The following ATRX variants were observed in gnomAD, a reference collection of about 807,000 sequenced individuals.
ATRX encodes chromatin remodeler ATRX.
In ATRX, 12 loss-of-function variants were observed where a neutral mutation model predicts 172.6. The ratio of observed to expected loss-of-function variants is 0.07; its 90% CI spans 0.04 to 0.11. The LOEUF (loss-of-function observed/expected upper bound fraction) is 0.11, where lower values mean the gene tolerates loss of function less well. ATRX is among the 10% of genes least tolerant of loss of function. The pLI, the probability that ATRX is intolerant of heterozygous loss-of-function variation, is 1.00. For missense variants in ATRX, 1,368 were observed against 1,767.4 expected, an observed-to-expected ratio of 0.77 and a Z score of 4.05; for synonymous variants, 674 against 594.7, an observed-to-expected ratio of 1.13 and a Z score of -1.94.
chrX:77,732,233 G>A (rs923747956), intron 1 of ATRX, among the ~76,000 whole-genome samples: 1 of 111,408 alleles, frequency 9.0e-6, no homozygotes, highest in Non-Finnish European at 1.9e-5. Flanking sequence ...TTGCTGCTGT[G>A]TCAGTGCCCC....
At chrX:77,609,849 G>A (rs2067078523) in intron 22 of ATRX, among the ~76,000 whole-genome samples, 1 of 111,849 alleles carries the variant, frequency 8.9e-6, no homozygotes, top group Admixed American at 9.5e-5. Context: ...GGCTGCGAAG[G>A]GTAGTAGGGC....
At chrX:77,518,756 C>T (rs1557040109) in intron 34 of ATRX, among the ~76,000 whole-genome samples, 1 of 111,305 alleles carries the variant, frequency 9.0e-6, no homozygotes, top group African/African-American at 3.2e-5. Context: ...TCAAATGATA[C>T]TACAGAGCTA....
chrX:77,637,496 T>C (rs2068440627), intron 15 of ATRX, among the ~76,000 whole-genome samples: 1 of 110,970 alleles, frequency 9.0e-6, no homozygotes, highest in Non-Finnish European at 1.9e-5. Flanking sequence ...GACTATTGAG[T>C]ATCATGACAC....
At chrX:77,533,784 GA>G (rs1298882877) in intron 30 of ATRX, among the ~76,000 whole-genome samples, 2 of 110,866 alleles carry the variant, frequency 1.8e-5, no homozygotes, top group East Asian at 2.8e-4. Flanking sequence ...AAAGTTGAAA[GA>G]AAAAAAATGG....
intron 10 of ATRX, among the ~76,000 whole-genome samples, chrX:77,669,552 G>T (rs1048334965): frequency 1.8e-5 from 2 of 111,455 alleles, no homozygotes; most frequent in African/African-American, 6.5e-5. Context: ...TCAAACTCCT[G>T]ACCTCAGGTG....
At chrX:77,717,401 TAGAA>T (rs2073493711) in intron 1 of ATRX, among the ~76,000 whole-genome samples, 158 bp from the exon 2 acceptor site, 1 of 110,880 alleles carries the variant, frequency 9.0e-6, no homozygotes, top group South Asian at 3.8e-4. Flanking sequence ...GTTGTGGGTG[TAGAA>T]AGAAAAAATA....
chrX:77,520,071 A>T (rs1313268008), intron 34 of ATRX, among the ~76,000 whole-genome samples: 1 of 112,251 alleles, frequency 8.9e-6, no homozygotes, highest in Non-Finnish European at 1.9e-5. Flanking sequence ...GACAAAGTTC[A>T]TATGTTCTCA....
intron 1 of ATRX, among the ~76,000 whole-genome samples, chrX:77,742,203 A>T (rs1381308507): frequency 4.5e-5 from 5 of 112,118 alleles, no homozygotes; most frequent in Admixed American, 9.5e-5. Context: ...TCTGATAGAT[A>T]AGTGGAAAAT....
chrX:77,606,495 A>G (rs1386006158), intron 22 of ATRX, among the ~76,000 whole-genome samples: 2 of 111,551 alleles, frequency 1.8e-5, no homozygotes, highest in East Asian at 5.6e-4. Flanking sequence ...AGAAAACTAC[A>G]GGCCAATATT....
At chrX:77,738,674 C>T (rs1278461147) in intron 1 of ATRX, among the ~76,000 whole-genome samples, 2 of 105,521 alleles carry the variant, frequency 1.9e-5, no homozygotes, top group Non-Finnish European at 3.9e-5. Flanking sequence ...AGTGATTGTC[C>T]TGCCTCAGCC....
chrX:77,733,350 T>C (rs1212432705), intron 1 of ATRX, among the ~76,000 whole-genome samples: 1 of 111,137 alleles, frequency 9.0e-6, no homozygotes, highest in African/African-American at 3.3e-5. Flanking sequence ...CCCAAAACTA[T>C]ACTAAGCAGA....
chrX:77,738,805 T>C (rs1003107200), intron 1 of ATRX, among the ~76,000 whole-genome samples: 6 of 109,806 alleles, frequency 5.5e-5, no homozygotes, highest in Non-Finnish European at 7.6e-5. Flanking sequence ...TCAAGTGGTC[T>C]GCCCGCCTCA....
At position 77,507,878 on chromosome X, in the gene ATRX, T is replaced by C. The variant is rs900776900; in HGVS notation, c.*473A>G. ...CAAAAGAACATTAAAACCATTTCAATCACTTTAATCAAGAAATGGATTAAG... is the reference window on the plus strand; with the variant it reads ...CAAAAGAACATTAAAACCATTTCAACCACTTTAATCAAGAAATGGATTAAG... On this transcript the variant is annotated 3_prime_UTR_variant, in exon 35 of 35. Transcript: ENST00000373344. 2 of 174,717 alleles carry C rather than the reference T, an allele frequency of 1.1e-5. No homozygotes were observed. Among genetic ancestry groups the C allele is most frequent in the Non-Finnish European group, 2.2e-5 (2 of 91,875 alleles). 14.4% of individuals were successfully genotyped at this position (174,717 alleles called of 1,213,427 possible). A position where few individuals can be genotyped will look rare whatever the true frequency, so the allele number is the denominator to read the frequency against.
intron 6 of ATRX, among the ~76,000 whole-genome samples, chrX:77,689,493 T>TA (rs45515391): frequency 0.016 from 1,749 of 112,349 alleles, 31 homozygotes; most frequent in African/African-American, 0.054. Context: ...TTTCTATGTG[T>TA]ACTCCACTAT....
At chrX:77,659,482 TACACACACACACACACACACAC>T (rs72145948) in intron 12 of ATRX, among the ~76,000 whole-genome samples, 1 of 88,467 alleles carries the variant, frequency 1.1e-5, no homozygotes, top group Non-Finnish European at 2.3e-5. Flanking sequence ...TTTCTCTCTC[TACACACACACACACACACACAC>T]ACACACACAC....
intron 2 of ATRX, among the ~76,000 whole-genome samples, chrX:77,703,084 T>C (rs1557154835): frequency 1.8e-5 from 2 of 112,687 alleles, no homozygotes; most frequent in Non-Finnish European, 3.8e-5. Flanking sequence ...AATTTACCCA[T>C]TTAAAGTACA....
At chrX:77,573,264 T>C (rs1251280215) in intron 28 of ATRX, among the ~76,000 whole-genome samples, 1 of 111,660 alleles carries the variant, frequency 9.0e-6, no homozygotes, top group African/African-American at 3.2e-5. Context: ...CAGTATTCAG[T>C]ACAGTAACAT....
At chrX:77,732,530 C>T (rs1434174047) in intron 1 of ATRX, among the ~76,000 whole-genome samples, 2 of 111,691 alleles carry the variant, frequency 1.8e-5, no homozygotes, top group Admixed American at 9.6e-5. Context: ...TTGCTGCAAA[C>T]ATCCTCAACA....
intron 1 of ATRX, among the ~76,000 whole-genome samples, chrX:77,751,216 C>T (rs892113264): frequency 1.3e-4 from 15 of 112,410 alleles, no homozygotes; most frequent in African/African-American, 4.5e-4. Context: ...TTTTAATAAT[C>T]GCCATTCTAA....
Sources: gnomAD v4.1 joint callset for allele counts (sites outside exome capture counted in the v4.1 genomes callset) on GRCh38, gnomAD v4.1.1 for gene constraint, MANE v1.5 for transcripts, NCBI Gene and HGNC (gene_info 2026-07-23, HGNC 2026-07-21) for gene names.